The following ARPP21 variants were observed in gnomAD, a reference collection of about 807,000 sequenced individuals.
The protein encoded by ARPP21 is cAMP regulated phosphoprotein 21, also known as cAMP-regulated phosphoprotein 21.
In ARPP21, 69 loss-of-function variants were observed where a neutral mutation model predicts 113.2. The ratio of observed to expected loss-of-function variants is 0.61; its 90% confidence interval spans 0.50 to 0.74. ARPP21 has a LOEUF of 0.74. Ranked by LOEUF, ARPP21 falls within the 30% of genes least tolerant of loss-of-function variation. ARPP21 has a pLI of 0.00. For missense variants in ARPP21, 1,070 were observed against 1,037.4 expected, an observed-to-expected ratio of 1.03 and a Z score of -0.43; for synonymous variants, 368 against 375.5, an observed-to-expected ratio of 0.98 and a Z score of 0.23.
chr3:35,792,191 C>G (rs2096760854), intron 19 of ARPP21, 191 bp from the exon 20 acceptor site: 1 of 600,408 alleles, frequency 1.7e-6, no homozygotes, highest in Non-Finnish European at 3.0e-6. Flanking sequence ...TTTTTAAAGC[C>G]ATAATCTTGT....
At chr3:35,765,451 C>A (rs998897760) in intron 19 of ARPP21, among the ~76,000 whole-genome samples, 1 of 152,126 alleles carries the variant, frequency 6.6e-6, no homozygotes, top group East Asian at 1.9e-4. Flanking sequence ...CCCTCTTTCA[C>A]CCTGAGTCCT....
intron 18 of ARPP21, among the ~76,000 whole-genome samples, chr3:35,741,205 A>G (rs2094636095): frequency 6.6e-6 from 1 of 152,240 alleles, no homozygotes; most frequent in South Asian, 2.1e-4. Context: ...AACAAAAGCA[A>G]TTCATAACCC....
intron 5 of ARPP21, chr3:35,685,256 A>G (rs3821447): frequency 0.34 from 330,653 of 984,922 alleles, 57,152 homozygotes; most frequent in East Asian, 0.48. Flanking sequence ...TATCCATACA[A>G]TTGGTGCAGA....
chr3:35,673,309 C>G (rs921642666), intron 1 of ARPP21, among the ~76,000 whole-genome samples: 1 of 152,018 alleles, frequency 6.6e-6, no homozygotes, highest in African/African-American at 2.4e-5. Context: ...ATCACAGATT[C>G]TATATGCTCA....
intron 1 of ARPP21, among the ~76,000 whole-genome samples, chr3:35,675,812 A>G (rs1408541158): frequency 6.6e-6 from 1 of 151,436 alleles, no homozygotes; most frequent in East Asian, 2.0e-4. Flanking sequence ...GATGATGATG[A>G]TGATGATGAT....
intron 2 of ARPP21, chr3:35,681,486 T>C: frequency 3.0e-6 from 1 of 331,234 alleles, no homozygotes. Flanking sequence ...CCCATTTTGA[T>C]GGCAAGGTGT....
intron 8 of ARPP21, 63 bp from the exon 9 acceptor site, chr3:35,690,802 A>G (rs2082031126): frequency 2.0e-6 from 3 of 1,473,054 alleles, no homozygotes; most frequent in Admixed American, 2.0e-5. Flanking sequence ...GTATACTTGT[A>G]AAAAGGTATT....
chr3:35,765,654 T>G (rs1184068779), intron 19 of ARPP21, among the ~76,000 whole-genome samples: 1 of 152,004 alleles, frequency 6.6e-6, no homozygotes, highest in Admixed American at 6.6e-5. Context: ...TAAAATAAAT[T>G]GAAATGTAAG....
At chr3:35,736,915 T>C (rs2094389449) in intron 15 of ARPP21, among the ~76,000 whole-genome samples, 3 of 152,196 alleles carry the variant, frequency 2.0e-5, no homozygotes, top group Admixed American at 1.3e-4. Context: ...CGTCCACAGA[T>C]ACATTTAGCT....
intron 11 of ARPP21, among the ~76,000 whole-genome samples, chr3:35,709,498 C>T (rs141092488): frequency 2.6e-5 from 4 of 152,134 alleles, no homozygotes; most frequent in African/African-American, 9.6e-5. Context: ...CCATATACAA[C>T]GAGTATTTTC....
At chr3:35,715,249 T>A (rs1409143113) in intron 11 of ARPP21, 190 bp from the exon 12 acceptor site, 2 of 556,704 alleles carry the variant, frequency 3.6e-6, no homozygotes, top group Admixed American at 6.2e-5. Context: ...AAATACCCTA[T>A]GCTGCATGAG....
chr3:35,667,959 A>G (rs1316318893), intron 1 of ARPP21, among the ~76,000 whole-genome samples: 2 of 61,156 alleles, frequency 3.3e-5, no homozygotes, highest in East Asian at 5.1e-4. Flanking sequence ...AAGAAGAAGA[A>G]GAAGAAGAAG....
Position 35,729,469 on chromosome 3 carries a change from C to T in ARPP21, c.1392C>T (p.Tyr464=), listed in dbSNP as rs754446901. 3 of 1,614,240 alleles carry T rather than the reference C, an allele frequency of 1.9e-6. No individual in the cohort carries two copies. Among genetic ancestry groups the T allele is most frequent in the Admixed American group, 3.3e-5 (2 of 60,034 alleles). Residue 464 remains tyrosine (Y), a synonymous_variant, in exon 15 of 21, where the codon TAC becomes TAT. Transcript: ENST00000684406. ...GGQVAPSSTS[Y]ILLPLEAATG... ...AGGTTGCTCCCAGCAGCACCAGCTA[C>T]ATCCTCCTTCCACTTGAAGCTGCAA...
intron 19 of ARPP21, among the ~76,000 whole-genome samples, chr3:35,759,140 A>G (rs550674031): frequency 6.6e-6 from 1 of 152,142 alleles, no homozygotes; most frequent in South Asian, 2.1e-4. Context: ...TTTTCTCTGT[A>G]TATTAAAAAT....
Position 35,654,599 on chromosome 3 carries a change from C to T in ARPP21, c.-213+14201C>T, listed in dbSNP as rs188551157. On this transcript the variant is annotated intron_variant, in intron 1 of 20. Transcript: ENST00000684406. ...TGTTTGTCCTCAATTTGTTTTCTGC[C>T]AAGCAAACCAAACACCTGGAATGCA... Among the ~76,000 whole-genome samples, 67 of 152,146 alleles carry T rather than the reference C, an allele frequency of 4.4e-4. 1 individual carries two copies. Among genetic ancestry groups the T allele is most frequent in the African/African-American group, 1.5e-3 (64 of 41,540 alleles).
At chr3:35,697,001 A>G (rs965673101) in intron 9 of ARPP21, among the ~76,000 whole-genome samples, 5 of 151,696 alleles carry the variant, frequency 3.3e-5, no homozygotes, top group East Asian at 2.0e-4. Flanking sequence ...CTTAGAGTGT[A>G]CCATTGGAGA....
intron 1 of ARPP21, among the ~76,000 whole-genome samples, chr3:35,672,229 T>TC (rs1358552286): frequency 1.3e-5 from 2 of 151,960 alleles, no homozygotes; most frequent in Non-Finnish European, 2.9e-5. Context: ...CTCTTTCCTT[T>TC]CCCCGGTATC....
chr3:35,669,612 A>G (rs1440906019), intron 1 of ARPP21, among the ~76,000 whole-genome samples: 1 of 152,172 alleles, frequency 6.6e-6, no homozygotes, highest in Non-Finnish European at 1.5e-5. Context: ...CATTTGTCAT[A>G]GGAATGCCAC....
intron 19 of ARPP21, among the ~76,000 whole-genome samples, chr3:35,788,150 G>T (rs889762647): frequency 6.6e-6 from 1 of 152,142 alleles, no homozygotes; most frequent in Non-Finnish European, 1.5e-5. Context: ...CTGTAAAGTG[G>T]CAAAATGCAA....
Sources: gnomAD v4.1 joint callset for allele counts (sites outside exome capture counted in the v4.1 genomes callset) on GRCh38, gnomAD v4.1.1 for gene constraint, MANE v1.5 for transcripts, NCBI Gene and HGNC (gene_info 2026-07-23, HGNC 2026-07-21) for gene names.